DIP2C: variants seen among roughly 807,000 people sequenced by gnomAD.
The protein encoded by DIP2C is disco-interacting protein 2 homolog C.
DIP2C carries 33 observed loss-of-function variants against 192.4 expected under a neutral mutation model. That is an observed-to-expected ratio of 0.17 (90% CI 0.13 to 0.23). The LOEUF is 0.23. Among genes scored for constraint, DIP2C ranks in the 10% least tolerant of loss-of-function variants. The probability of loss-of-function intolerance (pLI) is 1.00; values close to 1 mark genes in which losing one functional copy is unlikely to be tolerated. For missense variants in DIP2C, 1,537 were observed against 2,110.1 expected, an observed-to-expected ratio of 0.73 and a Z score of 5.32; for synonymous variants, 979 against 864.1, an observed-to-expected ratio of 1.13 and a Z score of -2.33.
chr10:630,852 T>G (rs1216374856), intron 1 of DIP2C: 1 of 152,286 alleles, frequency 6.6e-6, no homozygotes, highest in Non-Finnish European at 1.5e-5. Context: ...GGCATCTCCC[T>G]GAGACCCGTC....
chr10:566,688 G>A (rs1040194338), intron 1 of DIP2C, among the ~76,000 whole-genome samples: 18 of 152,232 alleles, frequency 1.2e-4, no homozygotes, highest in Admixed American at 2.0e-4. Context: ...CGCCATGGAG[G>A]CGGTGTTCTC....
intron 32 of DIP2C, among the ~76,000 whole-genome samples, chr10:306,354 T>C (rs955925644): frequency 6.6e-6 from 1 of 152,118 alleles, no homozygotes; most frequent in African/African-American, 2.4e-5. Flanking sequence ...ATACCCCTGT[T>C]CGACAACTGA....
chr10:298,056 TAGTA>T (rs760992664), intron 32 of DIP2C, among the ~76,000 whole-genome samples: 2 of 152,304 alleles, frequency 1.3e-5, no homozygotes, highest in South Asian at 2.1e-4. Flanking sequence ...TAGTTAGAAT[TAGTA>T]AGCCAACAGT....
At chr10:439,755 G>A (rs748206646) in intron 4 of DIP2C, among the ~76,000 whole-genome samples, 2 of 152,140 alleles carry the variant, frequency 1.3e-5, no homozygotes, top group Admixed American at 1.3e-4. Flanking sequence ...GTGGGCATAT[G>A]CTTGATCTCA....
At chr10:438,074 A>C (rs1308191650) in intron 4 of DIP2C, among the ~76,000 whole-genome samples, 1 of 152,246 alleles carries the variant, frequency 6.6e-6, no homozygotes, top group Non-Finnish European at 1.5e-5. Context: ...CTCCTGATGA[A>C]AATTTACAGA....
intron 1 of DIP2C, among the ~76,000 whole-genome samples, chr10:591,967 G>A (rs1851430499): frequency 6.6e-6 from 1 of 152,202 alleles, no homozygotes; most frequent in Admixed American, 6.5e-5. Context: ...GAAGAACGAT[G>A]CGAGTCTAAG....
chr10:673,510 A>G (rs903057375), intron 1 of DIP2C, among the ~76,000 whole-genome samples: 1 of 152,224 alleles, frequency 6.6e-6, no homozygotes, highest in African/African-American at 2.4e-5. Flanking sequence ...GGAGCAAATC[A>G]TAACAATCAA....
intron 32 of DIP2C, among the ~76,000 whole-genome samples, chr10:297,894 C>A (rs1955835934): frequency 6.6e-6 from 1 of 152,040 alleles, no homozygotes; most frequent in Non-Finnish European, 1.5e-5. Flanking sequence ...AAACATATAC[C>A]CTATGAGTTG....
chr10:427,951 G>A lies in DIP2C; in HGVS notation c.395-4918C>T, dbSNP rs527371587. 2.2e-4 allele frequency among the ~76,000 whole-genome samples: 33 copies of A among 152,208 alleles called. No homozygotes were observed. The East Asian group carries it at 6.2e-3, about 28-fold the overall frequency. On this transcript the variant is annotated intron_variant, in intron 4 of 36. Coordinates refer to ENST00000280886, the MANE Select transcript of DIP2C (RefSeq NM_014974.3). ...AAATTATACGTATACACAAAGATAT[G>A]TACATAAACGTCGACAGCAGCATTA...
intron 1 of DIP2C, among the ~76,000 whole-genome samples, chr10:627,720 G>A (rs1198054755): frequency 1.3e-5 from 2 of 152,392 alleles, no homozygotes; most frequent in Admixed American, 6.5e-5. Context: ...GGCCGTGCAC[G>A]CAAGAGCGAG....
intron 29 of DIP2C, among the ~76,000 whole-genome samples, chr10:334,420 T>C (rs1957656737): frequency 6.6e-6 from 1 of 152,090 alleles, no homozygotes; most frequent in African/African-American, 2.4e-5. Flanking sequence ...TTCTACTTAA[T>C]TCTGTCTTTT....
intron 29 of DIP2C, 90 bp from the exon 30 acceptor site, chr10:329,691 G>GTCCTCCTTTTCCTTGGAGTCA: frequency 6.8e-7 from 1 of 1,476,030 alleles, no homozygotes; most frequent in Non-Finnish European, 9.1e-7. Flanking sequence ...CTGACTCCAA[G>GTCCTCCTTTTCCTTGGAGTCA]GAAAAGGAGG....
chr10:416,784 C>T lies in DIP2C; in HGVS notation c.740-896G>A, dbSNP rs554216011. On this transcript the variant is annotated intron_variant, in intron 6 of 36. Coordinates refer to ENST00000280886, the MANE Select transcript of DIP2C (RefSeq NM_014974.3). Reference sequence around the variant, plus strand: ...ATCAAAAGCGTCCTCCTCAGGCACACGCTGCAGGCCGGCAGGACCTGGGAA... The same window carrying T: ...ATCAAAAGCGTCCTCCTCAGGCACATGCTGCAGGCCGGCAGGACCTGGGAA... 2.7e-3 allele frequency among the ~76,000 whole-genome samples: 413 copies of T among 152,284 alleles called. 2 individuals are homozygous for T. The highest frequency in any genetic ancestry group is 6.8e-3 in the Middle Eastern group (2 of 294).
At chr10:477,672 G>A (rs1158401488) in intron 2 of DIP2C, among the ~76,000 whole-genome samples, 4 of 142,472 alleles carry the variant, frequency 2.8e-5, no homozygotes, top group Non-Finnish European at 4.6e-5. Context: ...AGGAAGTGGT[G>A]AATAGATAGG....
intron 2 of DIP2C, among the ~76,000 whole-genome samples, chr10:476,222 C>T (rs1470604594): frequency 1.3e-5 from 2 of 152,122 alleles, no homozygotes; most frequent in Non-Finnish European, 2.9e-5. Flanking sequence ...AAGAAAACGG[C>T]CGAGATGGAG....
At chr10:476,877 C>T (rs1167548544) in intron 2 of DIP2C, among the ~76,000 whole-genome samples, 3 of 151,396 alleles carry the variant, frequency 2.0e-5, no homozygotes, top group African/African-American at 2.4e-5. Context: ...CTATCAAGGT[C>T]GCCCGAAAGG....
chr10:563,995 G>A (rs1269571352), intron 1 of DIP2C, among the ~76,000 whole-genome samples: 1 of 152,194 alleles, frequency 6.6e-6, no homozygotes, highest in East Asian at 1.9e-4. Context: ...AATCTGAATG[G>A]ATCAATTATT....
At chr10:603,340 A>G (rs909634991) in intron 1 of DIP2C, among the ~76,000 whole-genome samples, 26 of 139,462 alleles carry the variant, frequency 1.9e-4, no homozygotes, top group Admixed American at 5.9e-4. Context: ...AAAACCAACC[A>G]TGAGATTTTG....
intron 1 of DIP2C, among the ~76,000 whole-genome samples, chr10:594,482 G>A (rs1248847010): frequency 1.3e-5 from 2 of 151,896 alleles, no homozygotes; most frequent in Non-Finnish European, 2.9e-5. Flanking sequence ...TCAACGTAAG[G>A]GAACATGGCC....
Sources: allele counts gnomAD v4.1 joint callset (sites outside exome capture counted in the v4.1 genomes callset), GRCh38; gene constraint gnomAD v4.1.1; transcripts MANE v1.5; gene names NCBI Gene and HGNC (gene_info 2026-07-23, HGNC 2026-07-21).